ANKRD28: variants seen among roughly 807,000 people sequenced by gnomAD.
ANKRD28 encodes the protein ankyrin repeat domain 28, also known as serine/threonine-protein phosphatase 6 regulatory ankyrin repeat subunit A.
A neutral mutation model predicts 126.5 loss-of-function variants in ANKRD28; 44 were observed. The observed-to-expected ratio is 0.35, with a 90% confidence interval of 0.27 to 0.45. The LOEUF is 0.45. Ranked by LOEUF, ANKRD28 falls within the 20% of genes least tolerant of loss-of-function variation. ANKRD28 has a pLI of 1.00. For synonymous variants in ANKRD28, 442 were observed against 468.5 expected, an observed-to-expected ratio of 0.94 and a Z score of 0.73; for missense variants, 1,110 against 1,316.6, an observed-to-expected ratio of 0.84 and a Z score of 2.43.
chr3:15,825,680 A>C (rs2125921255), intron 1 of ANKRD28, among the ~76,000 whole-genome samples: 1 of 152,322 alleles, frequency 6.6e-6, no homozygotes, highest in Admixed American at 6.5e-5. Context: ...GACCCCTAAA[A>C]CAAAGTAGAC....
rs1456588167 is a variant in ANKRD28 at position 15,854,243 on chromosome 3, T to C, written c.27+5134A>G. 6.6e-6 allele frequency among the ~76,000 whole-genome samples: 1 copy of C among 152,238 alleles called. No individual in the cohort carries two copies. Among genetic ancestry groups the C allele is most frequent in the African/African-American group, 2.4e-5 (1 of 41,458 alleles). The stretch of plus-strand genomic sequence containing the variant: ...AGCCTGGGATTCAAAGTACTTAATG[T>C]AGTCACTGTTAACTAATTTATCTTC... On this transcript the variant is annotated intron_variant, in intron 1 of 27. Coordinates refer to the ANKRD28 transcript ENST00000399451. This position sits in a 1 kb window ranked among gnomAD's most constrained non-coding sequence, Gnocchi z 4.1.
intron 20 of ANKRD28, 93 bp from the exon 21 acceptor site, chr3:15,685,538 C>T: frequency 9.8e-7 from 1 of 1,017,082 alleles, no homozygotes; most frequent in East Asian, 2.4e-5. Context: ...ACCATACTCT[C>T]CATATCCTTC....
At chr3:15,753,439 T>C (rs2057979245) in intron 3 of ANKRD28, among the ~76,000 whole-genome samples, 1 of 152,234 alleles carries the variant, frequency 6.6e-6, no homozygotes, top group African/African-American at 2.4e-5. Flanking sequence ...AGGACTTCAA[T>C]GGTTCTCTTT....
At chr3:15,716,671 C>T (rs2126121634) in intron 8 of ANKRD28, among the ~76,000 whole-genome samples, 1 of 152,220 alleles carries the variant, frequency 6.6e-6, no homozygotes, top group African/African-American at 2.4e-5. Context: ...ACTAACTAAA[C>T]AACCCCCACA....
intron 14 of ANKRD28, among the ~76,000 whole-genome samples, chr3:15,704,270 G>C (rs1051106150): frequency 5.3e-5 from 8 of 151,932 alleles, no homozygotes; most frequent in African/African-American, 7.3e-5. Context: ...CAGGACAATG[G>C]GGGTAACAAG....
chr3:15,704,154 T>A (rs1003308699), intron 14 of ANKRD28, among the ~76,000 whole-genome samples: 2 of 152,180 alleles, frequency 1.3e-5, no homozygotes, highest in African/African-American at 4.8e-5. Flanking sequence ...TTTAATATGT[T>A]CATTGCGATA....
At chr3:15,734,512 T>C (rs2074879413) in intron 6 of ANKRD28, among the ~76,000 whole-genome samples, 1 of 152,184 alleles carries the variant, frequency 6.6e-6, no homozygotes, top group Admixed American at 6.5e-5. Flanking sequence ...TTATAACCTC[T>C]GGCAGGAAGA....
rs182837753 is a variant in ANKRD28, at chr3:15,822,352, C to T, written c.28-27046G>A. 3.3e-5 allele frequency among the ~76,000 whole-genome samples: 5 copies of T among 152,172 alleles called. No individual in the cohort carries two copies. In the East Asian group the frequency reaches 7.7e-4, roughly 23 times the overall value. On this transcript the variant is annotated intron_variant, in intron 1 of 27. Coordinates refer to the ANKRD28 transcript ENST00000399451. Reference sequence around the variant, plus strand: ...AGGAAAACCTCTGCCAAATTATAGCCGATTGCCAAGAGAATGAACAGAGAA... The same window carrying T: ...AGGAAAACCTCTGCCAAATTATAGCTGATTGCCAAGAGAATGAACAGAGAA...
rs1193953845 is a variant in ANKRD28, at chr3:15,814,904, C to CT, written c.28-19599dup. The stretch of plus-strand genomic sequence containing the variant: ...TATATATAAAAAGTATATATATATA[C>CT]TTTTTTAAAGGTTAGGATAATACAT... On this transcript the variant is annotated intron_variant, in intron 1 of 27. Transcript: ENST00000399451. This position sits in a 1 kb window ranked among gnomAD's most constrained non-coding sequence, Gnocchi z 4.7. 6.7e-6 allele frequency among the ~76,000 whole-genome samples: 1 copy of CT among 149,666 alleles called. No homozygotes were observed. The highest frequency in any genetic ancestry group is 1.5e-5 in the Non-Finnish European group (1 of 67,482).
In ANKRD28 at chr3:15,812,381, G is replaced by C. The variant is rs898915567; in HGVS notation, c.28-17075C>G. On this transcript the variant is annotated intron_variant, in intron 1 of 27. Transcript: ENST00000399451. The surrounding 1 kb of genome is among the most constrained non-coding windows in gnomAD (Gnocchi z 4.1). ...TTAGAAAGGGTTTGCAGTAACCAAT[G>C]GAAAAGCACCATCCAGTGGTAAAAG... 6.6e-6 allele frequency among the ~76,000 whole-genome samples: 1 copy of C among 152,030 alleles called. No individual in the cohort carries two copies. Among genetic ancestry groups the C allele is most frequent in the Non-Finnish European group, 1.5e-5 (1 of 68,012 alleles).
chr3:15,695,096 T>G, intron 16 of ANKRD28, 92 bp downstream of exon 16: 1 of 1,057,116 alleles, frequency 9.5e-7, no homozygotes, highest in East Asian at 2.5e-5. Context: ...GTAAAAACAC[T>G]TTCAGCTCTA....
chr3:15,857,865 C>T (rs1013210772), intron 1 of ANKRD28, among the ~76,000 whole-genome samples: 2 of 152,186 alleles, frequency 1.3e-5, no homozygotes, highest in South Asian at 2.1e-4. Context: ...CAAAGGAAAA[C>T]ATCGATCAGT....
At chr3:15,774,617 A>T (rs2059171352) in intron 2 of ANKRD28, among the ~76,000 whole-genome samples, 1 of 152,204 alleles carries the variant, frequency 6.6e-6, no homozygotes, top group Non-Finnish European at 1.5e-5. Flanking sequence ...TTATCTTTAC[A>T]ACTCAAGTTA....
intron 2 of ANKRD28, among the ~76,000 whole-genome samples, chr3:15,782,791 C>G (rs1262793275): frequency 2.6e-5 from 4 of 152,084 alleles, no homozygotes; most frequent in African/African-American, 9.7e-5. Flanking sequence ...ACAAGCAGAT[C>G]AGAGTGGGAA....
At chr3:15,795,348 G>T in intron 1 of ANKRD28, 42 bp from the exon 2 acceptor site, 3 of 1,312,664 alleles carry the variant, frequency 2.3e-6, no homozygotes, top group Non-Finnish European at 3.3e-6. Context: ...AATCATCCAT[G>T]TGGGGTGACT....
intron 4 of ANKRD28, among the ~76,000 whole-genome samples, chr3:15,737,879 A>G (rs1022295224): frequency 6.9e-6 from 1 of 144,236 alleles, no homozygotes; most frequent in Admixed American, 7.4e-5. Context: ...AAAATGAAAA[A>G]TCACTAGGAT....
rs375514403 is a variant in ANKRD28, at chr3:15,712,233, T to C, written c.1191-11A>G. The C allele has an allele frequency of 3.2e-6, 5 of 1,561,560 alleles. No homozygotes were observed. In the South Asian group the frequency reaches 3.5e-5, roughly 11 times the overall value. ...CCATGTATGCCACGCCTAAAGTTAA[T>C]AGAACAGGACAGTATCTTCATTTTA... is the stretch of plus-strand genomic sequence containing the variant. On this transcript the variant is annotated splice_polypyrimidine_tract_variant and intron_variant, in intron 10 of 27. Transcript: ENST00000683139.
intron 4 of ANKRD28, among the ~76,000 whole-genome samples, chr3:15,746,175 CTT>C (rs1469469634): frequency 6.6e-6 from 1 of 152,160 alleles, no homozygotes; most frequent in Non-Finnish European, 1.5e-5. Flanking sequence ...TTGACTTCCT[CTT>C]TACTGATTTG....
chr3:15,779,239 G>C (rs1412983163), intron 2 of ANKRD28, among the ~76,000 whole-genome samples: 1 of 152,102 alleles, frequency 6.6e-6, no homozygotes, highest in Non-Finnish European at 1.5e-5. Context: ...TGAGAATGCA[G>C]GTACAACTGA....
Sources: gnomAD v4.1 joint callset for allele counts (sites outside exome capture counted in the v4.1 genomes callset) on GRCh38, gnomAD v4.1.1 for gene constraint, Gnocchi (gnomAD v3.1) non-coding constraint, MANE v1.5 for transcripts, NCBI Gene and HGNC (gene_info 2026-07-23, HGNC 2026-07-21) for gene names.